The following NIPBL variants were observed in gnomAD, a reference collection of about 807,000 sequenced individuals.
NIPBL encodes the protein NIPBL cohesin loading factor.
A neutral mutation model predicts 321.8 loss-of-function variants in NIPBL; 19 were observed. The observed-to-expected ratio is 0.06, with a 90% CI of 0.04 to 0.09. NIPBL has a LOEUF of 0.09. NIPBL is among the 10% of genes least tolerant of loss of function. NIPBL has a pLI of 1.00. For synonymous variants in NIPBL, 1,106 were observed against 1,114.1 expected, an observed-to-expected ratio of 0.99 and a Z score of 0.14; for missense variants, 2,210 against 3,327.0, an observed-to-expected ratio of 0.66 and a Z score of 8.26.
At chr5:36,921,650 A>G (rs1268486150) in intron 1 of NIPBL, among the ~76,000 whole-genome samples, 2 of 152,202 alleles carry the variant, frequency 1.3e-5, no homozygotes, top group Non-Finnish European at 2.9e-5. Context: ...AGTTAGGGAA[A>G]GGAGAATTCA....
At position 36,970,872 on chromosome 5, in the gene NIPBL, T is replaced by C. The variant is rs1455327736; in HGVS notation, c.611-4T>C. ...AAACCTTTTTTTATTCTTATTAATT[T>C]CAGCATCGGTATCAAGTCCCATTGT... is the stretch of plus-strand genomic sequence containing the variant. On this transcript the variant is annotated splice_polypyrimidine_tract_variant and splice_region_variant and intron_variant, in intron 6 of 46. Transcript: ENST00000282516. The C allele has an allele frequency of 6.2e-7, 1 of 1,611,890 alleles. No individual in the cohort carries two copies. The highest frequency in any genetic ancestry group is 8.5e-7 in the Non-Finnish European group (1 of 1,178,140).
At chr5:36,951,662 G>T (rs1440128157) in intron 1 of NIPBL, among the ~76,000 whole-genome samples, 3 of 152,110 alleles carry the variant, frequency 2.0e-5, no homozygotes, top group Non-Finnish European at 4.4e-5. Context: ...TTTAGTAATT[G>T]TTAAATAATC....
Position 37,016,164 on chromosome 5 carries a change from A to G in NIPBL, c.4770A>G (p.Arg1590=). ...AAELLLSLLG[R]LLVHQFSNKS... is the part of the protein sequence containing the mutation. ...AACTACTCCTTAGTTTGTTAGGGAG[A>G]CTGTTGGTAAGAGTATAGCATTTAA... is the stretch of plus-strand genomic sequence containing the variant. The change falls in exon 23 of 47, where the codon AGA becomes AGG. Residue 1590 remains arginine, a synonymous_variant. Coordinates refer to ENST00000282516, the MANE Select transcript of NIPBL (RefSeq NM_133433.4). 12 of 1,613,702 alleles carry G rather than the reference A, an allele frequency of 7.4e-6. No individual in the cohort carries two copies. The highest frequency in any genetic ancestry group is 1.0e-5 in the Non-Finnish European group (12 of 1,179,700).
At chr5:36,921,898 T>TG (rs1359435187) in intron 1 of NIPBL, among the ~76,000 whole-genome samples, 2 of 151,802 alleles carry the variant, frequency 1.3e-5, no homozygotes, top group African/African-American at 2.4e-5. Flanking sequence ...TTTTGTTTTT[T>TG]TTTTTTGAAA....
In NIPBL at chr5:36,881,505, C is replaced by T. The variant is rs563136110; in HGVS notation, c.-80+4327C>T. Among the ~76,000 whole-genome samples, 15 of 152,002 alleles carry T rather than the reference C, an allele frequency of 9.9e-5. No individual in the cohort carries two copies. The South Asian group carries it at 3.1e-3, about 31-fold the overall frequency. ...CATAATATCTCATTTAATCTTTTAA[C>T]ATGCCCAAAAGTAGAAACAATAATT... On this transcript the variant is annotated intron_variant, in intron 1 of 46. Coordinates refer to ENST00000282516, the MANE Select transcript of NIPBL (RefSeq NM_133433.4).
At chr5:37,007,623 C>T in intron 18 of NIPBL, 149 bp downstream of exon 18, 2 of 601,064 alleles carry the variant, frequency 3.3e-6, no homozygotes, top group Non-Finnish European at 2.9e-6. Flanking sequence ...AGAAATAAAA[C>T]TTCAGGAGTT....
At chr5:36,952,052 GTGCGCGCGCGCGCGCGCGCGCA>G (rs1404781581) in intron 1 of NIPBL, among the ~76,000 whole-genome samples, 495 of 113,328 alleles carry the variant, frequency 4.4e-3, no homozygotes, top group African/African-American at 0.011. Context: ...GTGTGTGTGT[GTGCGCGCGCGCGCGCGCGCGCA>G]TGTGTGTGTG....
At chr5:36,926,465 C>T (rs573570420) in intron 1 of NIPBL, among the ~76,000 whole-genome samples, 2 of 152,252 alleles carry the variant, frequency 1.3e-5, no homozygotes, top group South Asian at 2.1e-4. Context: ...TCAGCGGAGA[C>T]ATCATGTGTA....
In NIPBL at chr5:36,953,659, A is replaced by G. The variant is rs747655593; in HGVS notation, c.-38A>G. The G allele has an allele frequency of 2.6e-6, 4 of 1,564,614 alleles. No homozygotes were observed. Among genetic ancestry groups the G allele is most frequent in the African/African-American group, 1.3e-5 (1 of 74,088 alleles). On this transcript the variant is annotated 5_prime_UTR_variant, in exon 2 of 47. The change abolishes the stop of an existing upstream ORF in the 5' untranslated region. Transcript: ENST00000282516. ...AGTAATGACAGCTGGCACCTGAACT[A>G]AGTACTTTTATAGGCAACACCATTC...
chr5:36,951,357 T>TA (rs1740269056), intron 1 of NIPBL, among the ~76,000 whole-genome samples: 1 of 152,200 alleles, frequency 6.6e-6, no homozygotes, highest in South Asian at 2.1e-4. Context: ...TTTAGGTTCC[T>TA]ATTCTCTGAG....
intron 1 of NIPBL, among the ~76,000 whole-genome samples, chr5:36,932,988 T>G (rs1184027341): frequency 6.6e-6 from 1 of 151,852 alleles, no homozygotes; most frequent in East Asian, 1.9e-4. Flanking sequence ...TGCATGCAGC[T>G]CTCTTGATTT....
intron 30 of NIPBL, 131 bp downstream of exon 30, chr5:37,024,850 GA>G: frequency 1.5e-6 from 1 of 688,156 alleles, no homozygotes; most frequent in Non-Finnish European, 2.3e-6. Flanking sequence ...ATAAACTTAA[GA>G]AAAATACATA....
At chr5:36,884,094 C>T (rs1416363036) in intron 1 of NIPBL, among the ~76,000 whole-genome samples, 1 of 152,036 alleles carries the variant, frequency 6.6e-6, no homozygotes, top group South Asian at 2.1e-4. Flanking sequence ...TCCTGAAAGA[C>T]ACACATGACA....
At position 37,057,290 on chromosome 5, in the gene NIPBL, A is replaced by G; in HGVS notation, c.7368A>G (p.Thr2456=). 1.9e-6 allele frequency: 3 copies of G among 1,613,812 alleles called. No individual in the cohort carries two copies. The highest frequency in any genetic ancestry group is 2.5e-6 in the Non-Finnish European group (3 of 1,179,802). The change falls in exon 43 of 47, where the codon ACA becomes ACG. Residue 2456 remains threonine, a synonymous_variant. Coordinates refer to ENST00000282516, the MANE Select transcript of NIPBL (RefSeq NM_133433.4). ...TTATAATGCATCATATAGACATTAC[A>G]CTCTCAGTTTCTGGTAGTAACCTAC... is the stretch of plus-strand genomic sequence containing the variant. ...PLFIMHHIDI[T]LSVSGSNLLQ... is the part of the protein sequence containing the mutation.
At chr5:36,900,425 G>T (rs1412911122) in intron 1 of NIPBL, among the ~76,000 whole-genome samples, 1 of 152,126 alleles carries the variant, frequency 6.6e-6, no homozygotes, top group East Asian at 1.9e-4. Flanking sequence ...GGCCAAAGGG[G>T]ACTGTCTAGC....
intron 1 of NIPBL, among the ~76,000 whole-genome samples, chr5:36,892,123 T>C (rs1051190120): frequency 1.3e-5 from 2 of 152,210 alleles, no homozygotes; most frequent in African/African-American, 4.8e-5. Context: ...GAAATGACTT[T>C]TACAGCTGAC....
At chr5:36,988,767 T>C (rs1745132859) in intron 10 of NIPBL, among the ~76,000 whole-genome samples, 2 of 152,126 alleles carry the variant, frequency 1.3e-5, no homozygotes, top group Admixed American at 1.3e-4. Flanking sequence ...AGGGCCAAAA[T>C]TGAAGAGCCA....
chr5:36,937,979 G>A (rs1296552242), intron 1 of NIPBL, among the ~76,000 whole-genome samples: 1 of 152,078 alleles, frequency 6.6e-6, no homozygotes, highest in African/African-American at 2.4e-5. Flanking sequence ...TGGGTTCAGC[G>A]GGTATAATAG....
At chr5:37,027,487 TGGACTGTATGA>T in intron 32 of NIPBL, 75 bp downstream of exon 32, 1 of 1,053,636 alleles carries the variant, frequency 9.5e-7, no homozygotes, top group Non-Finnish European at 1.5e-6. Flanking sequence ...TTTTTTTTTT[TGGACTGTATGA>T]TTTAAAAGAA....
Sources: gnomAD v4.1 joint callset for allele counts (sites outside exome capture counted in the v4.1 genomes callset) on GRCh38, gnomAD v4.1.1 for gene constraint, MANE v1.5 for transcripts, NCBI Gene and HGNC (gene_info 2026-07-23, HGNC 2026-07-21) for gene names.